The following SAMD3 variants were observed in gnomAD, a reference collection of about 807,000 sequenced individuals.
SAMD3 encodes sterile alpha motif domain-containing protein 3.
SAMD3 carries 63 observed loss-of-function variants against 58.5 expected under a neutral mutation model. The ratio of observed to expected loss-of-function variants is 1.08; its 90% CI spans 0.88 to 1.33. The LOEUF (loss-of-function observed/expected upper bound fraction) is 1.33, where lower values mean the gene tolerates loss of function less well. Among genes scored for constraint, SAMD3 ranks in the 40% most tolerant of loss-of-function variants. The pLI is 0.00. For synonymous variants in SAMD3, 220 were observed against 210.3 expected, an observed-to-expected ratio of 1.05 and a Z score of -0.40; for missense variants, 604 against 608.4, an observed-to-expected ratio of 0.99 and a Z score of 0.08.
At chr6:130,308,441 T>G (rs991656813) in intron 2 of SAMD3, among the ~76,000 whole-genome samples, 14 of 150,042 alleles carry the variant, frequency 9.3e-5, no homozygotes, top group Non-Finnish European at 4.4e-5. Context: ...TTCTATTCTT[T>G]TGTGTGTGTG....
chr6:130,304,452 AT>A (rs1775848192), intron 2 of SAMD3, among the ~76,000 whole-genome samples: 1 of 152,120 alleles, frequency 6.6e-6, no homozygotes, highest in Non-Finnish European at 1.5e-5. Context: ...GAAGTGCCAA[AT>A]TTGTTCATAA....
At chr6:130,238,190 G>A (rs1011086119) in intron 2 of SAMD3, among the ~76,000 whole-genome samples, 1 of 152,090 alleles carries the variant, frequency 6.6e-6, no homozygotes, top group Admixed American at 6.5e-5. Context: ...AATTTATTCA[G>A]GGATAACTAC....
chr6:130,246,966 A>T (rs2114903243), intron 2 of SAMD3, among the ~76,000 whole-genome samples: 1 of 152,298 alleles, frequency 6.6e-6, no homozygotes, highest in Non-Finnish European at 1.5e-5. Context: ...TTAACTACTA[A>T]AAAGGCCTAG....
chr6:130,184,796 T>C (rs1441532932), intron 5 of SAMD3, among the ~76,000 whole-genome samples, 173 bp from the exon 6 acceptor site: 1 of 152,232 alleles, frequency 6.6e-6, no homozygotes, highest in African/African-American at 2.4e-5. Context: ...TGAAGGCTCA[T>C]TAAGTGTCTT....
At chr6:130,213,296 C>T (rs1238236176) in intron 4 of SAMD3, among the ~76,000 whole-genome samples, 2 of 150,772 alleles carry the variant, frequency 1.3e-5, no homozygotes, top group Non-Finnish European at 3.0e-5. Context: ...AGACCCATCT[C>T]TAAAAAAAAC....
intron 2 of SAMD3, among the ~76,000 whole-genome samples, chr6:130,303,480 C>T (rs534646208): frequency 1.3e-5 from 2 of 152,256 alleles, no homozygotes; most frequent in South Asian, 4.1e-4. Flanking sequence ...CAATCTGAAC[C>T]TTTTCCTCTC....
intron 2 of SAMD3, among the ~76,000 whole-genome samples, chr6:130,245,670 G>A (rs1773517391): frequency 6.6e-6 from 1 of 152,160 alleles, no homozygotes; most frequent in Non-Finnish European, 1.5e-5. Context: ...CCTTCCTTTG[G>A]AGCAGAACCA....
At chr6:130,258,234 T>G (rs1474801897) in intron 2 of SAMD3, among the ~76,000 whole-genome samples, 1 of 152,180 alleles carries the variant, frequency 6.6e-6, no homozygotes, top group Non-Finnish European at 1.5e-5. Context: ...AATGGCATAT[T>G]GTTTTCTCTC....
intron 2 of SAMD3, among the ~76,000 whole-genome samples, chr6:130,275,555 A>G (rs1774745179): frequency 6.6e-6 from 1 of 152,148 alleles, no homozygotes; most frequent in Non-Finnish European, 1.5e-5. Flanking sequence ...CAGTTAAAGC[A>G]CAATTGTATA....
intron 10 of SAMD3, 26 bp from the exon 11 acceptor site, chr6:130,145,448 T>C (rs1484345567): frequency 3.9e-6 from 6 of 1,527,708 alleles, no homozygotes; most frequent in African/African-American, 1.4e-5. Context: ...TGTTAACATG[T>C]GAAGTAAAAA....
intron 7 of SAMD3, among the ~76,000 whole-genome samples, chr6:130,180,787 A>G (rs911308285): frequency 2.0e-4 from 30 of 152,156 alleles, no homozygotes; most frequent in Non-Finnish European, 1.5e-5. Context: ...ATATACTTCA[A>G]TGTACTAGAC....
Position 130,155,006 on chromosome 6 carries a change from TCAAAA to T in SAMD3, c.837_841del (p.Cys279Ter). On this transcript the variant is annotated stop_gained and frameshift_variant, in exon 9 of 12. Transcript: ENST00000439090. LOFTEE classifies it high-confidence loss of function. ...CTTAATATGTTCATCTAGCTCAGAA[TCAAAA>T]CAAACAGCTTCTTCCTGCAAAACAT... The T allele has an allele frequency of 6.2e-7, 1 of 1,613,040 alleles. No individual in the cohort carries two copies.
chr6:130,159,870 A>C (rs1790133189), intron 8 of SAMD3: 1 of 152,224 alleles, frequency 6.6e-6, no homozygotes, highest in Non-Finnish European at 1.5e-5. Context: ...GGAAACATGA[A>C]TATTTCATAA....
At chr6:130,227,788 CAA>C (rs113229702), upstream of SAMD3, among the ~76,000 whole-genome samples, 31 of 126,624 alleles carry the variant, frequency 2.4e-4, no homozygotes, top group South Asian at 1.3e-3. Context: ...AACTCCATCT[CAA>C]AAAAAAAAAA....
chr6:130,160,654 TTTAA>T (rs1562380354), intron 8 of SAMD3: 1 of 152,126 alleles, frequency 6.6e-6, no homozygotes, highest in African/African-American at 2.4e-5. Flanking sequence ...GATGAAATCT[TTTAA>T]TTGAGGTTGG....
At chr6:130,213,829 CTT>C (rs764381736) in intron 4 of SAMD3, among the ~76,000 whole-genome samples, 1 of 152,060 alleles carries the variant, frequency 6.6e-6, no homozygotes, top group East Asian at 1.9e-4. Flanking sequence ...TAAGGACACT[CTT>C]AAAAAATTAG....
At chr6:130,319,554 T>G (rs943641301) in intron 1 of SAMD3, among the ~76,000 whole-genome samples, 12 of 152,034 alleles carry the variant, frequency 7.9e-5, no homozygotes, top group Admixed American at 7.2e-4. Context: ...AGGGAAAACA[T>G]CTTGCAAAAA....
At chr6:130,235,991 C>T (rs1757663637) in intron 2 of SAMD3, among the ~76,000 whole-genome samples, 1 of 152,084 alleles carries the variant, frequency 6.6e-6, no homozygotes, top group Admixed American at 6.5e-5. Flanking sequence ...GGTTTTGAAC[C>T]TAGAGGTCAA....
intron 2 of SAMD3, among the ~76,000 whole-genome samples, chr6:130,303,156 T>G (rs1324791617): frequency 1.3e-5 from 2 of 152,296 alleles, no homozygotes; most frequent in Non-Finnish European, 2.9e-5. Flanking sequence ...CTCTCTTCGG[T>G]ACCTTTCCTG....
Sources: gnomAD v4.1 joint callset for allele counts (sites outside exome capture counted in the v4.1 genomes callset) on GRCh38, gnomAD v4.1.1 for gene constraint, MANE v1.5 for transcripts, NCBI Gene and HGNC (gene_info 2026-07-23, HGNC 2026-07-21) for gene names.